IQCH: variants seen among roughly 807,000 people sequenced by gnomAD.
The protein encoded by IQCH is IQ domain-containing protein H.
IQCH carries 98 observed loss-of-function variants against 117.0 expected under a neutral mutation model. The ratio of observed to expected loss-of-function variants is 0.84; its 90% CI spans 0.71 to 0.99. IQCH has a LOEUF of 0.99. Ranked by LOEUF, IQCH falls within the 50% of genes least tolerant of loss-of-function variation. The pLI is 0.00. For missense variants in IQCH, 1,102 were observed against 1,243.8 expected (o/e 0.89, Z 1.72); for synonymous variants, 412 against 448.2 (o/e 0.92, Z 1.02).
chr15:67,351,803 A>G (rs937124689), intron 6 of IQCH, among the ~76,000 whole-genome samples: 1 of 151,962 alleles, frequency 6.6e-6, no homozygotes, highest in East Asian at 1.9e-4. Context: ...CCTTTTGGTT[A>G]TTGTTTGCCT....
intron 4 of IQCH, among the ~76,000 whole-genome samples, chr15:67,297,906 T>C (rs1289363894): frequency 6.6e-6 from 1 of 151,946 alleles, no homozygotes. Context: ...ACCCACAGAA[T>C]GGGAGAAAAT....
In IQCH at chr15:67,395,348, A is replaced by G; in HGVS notation, c.1690A>G (p.Ile564Val). Residue 564 changes from isoleucine to valine, a missense_variant, in exon 13 of 21, where the codon ATA becomes GTA. This residue lies in a region of IQCH where 650 missense variants were observed against 794.3 expected (regional missense o/e 0.82). Transcript: ENST00000335894. The surrounding 1 kb of genome is among the most constrained non-coding windows in gnomAD (Gnocchi z 4.0). ...GTACAGTCCCAAGGCAATCAAAAGA[A>G]TAAAAAATCTCATCCGAGGAACAGA... ...LMYSPKAIKR[I>V]KNLIRGTEAY... is the part of the protein sequence containing the mutation. 1 of 1,614,092 alleles carries G rather than the reference A, an allele frequency of 6.2e-7. No individual in the cohort carries two copies. The highest frequency in any genetic ancestry group is 8.5e-7 in the Non-Finnish European group (1 of 1,179,972).
intron 4 of IQCH, among the ~76,000 whole-genome samples, chr15:67,312,473 A>G (rs1967645795): frequency 6.6e-6 from 1 of 152,136 alleles, no homozygotes; most frequent in Non-Finnish European, 1.5e-5. Flanking sequence ...CAGAACAGAG[A>G]AATATCCTAA....
intron 4 of IQCH, among the ~76,000 whole-genome samples, chr15:67,313,555 G>A (rs548765226): frequency 6.6e-6 from 1 of 152,272 alleles, no homozygotes; most frequent in Non-Finnish European, 1.5e-5. Context: ...AAGGAGAGGT[G>A]TTGTGCATTT....
chr15:67,269,500 ATT>A (rs1477038164), intron 3 of IQCH, among the ~76,000 whole-genome samples: 2 of 152,180 alleles, frequency 1.3e-5, no homozygotes, highest in African/African-American at 4.8e-5. Flanking sequence ...AAACATGCAA[ATT>A]ATCTTCTAGC....
intron 4 of IQCH, among the ~76,000 whole-genome samples, chr15:67,290,052 G>T (rs763198648): frequency 1.3e-5 from 2 of 151,880 alleles, no homozygotes; most frequent in Non-Finnish European, 2.9e-5. Flanking sequence ...GTCTTCATTC[G>T]ACTGGTAATA....
At chr15:67,325,104 AT>A (rs1968345301) in intron 4 of IQCH, among the ~76,000 whole-genome samples, 1 of 151,280 alleles carries the variant, frequency 6.6e-6, no homozygotes, top group Non-Finnish European at 1.5e-5. Flanking sequence ...ATTATGTAAA[AT>A]TTTTTTTCTT....
At position 67,421,520 on chromosome 15, in the gene IQCH, T is replaced by C; in HGVS notation, c.2448T>C (p.Val816=). ...AAGCCTGCAGAATGAGAGATGTGGTTGGTTACTTTTCGATAGATCTGGTGA... is the reference window on the plus strand; with the variant it reads ...AAGCCTGCAGAATGAGAGATGTGGTCGGTTACTTTTCGATAGATCTGGTGA... ...IGKACRMRDV[V]GYFSIDLVTF... The change falls in exon 16 of 21, where the codon GTT becomes GTC. Residue 816 remains valine (V), a synonymous_variant. Coordinates refer to ENST00000335894, the MANE Select transcript of IQCH (RefSeq NM_001031715.3). The C allele has an allele frequency of 6.2e-7, 1 of 1,614,204 alleles. No homozygotes were observed. The highest frequency in any genetic ancestry group is 8.5e-7 in the Non-Finnish European group (1 of 1,180,022).
In IQCH at chr15:67,365,759, A is replaced by G. The variant is rs958361624; in HGVS notation, c.753+5874A>G. 3.9e-5 allele frequency among the ~76,000 whole-genome samples: 6 copies of G among 152,098 alleles called. No individual in the cohort carries two copies. Among genetic ancestry groups the G allele is most frequent in the Non-Finnish European group, 4.4e-5 (3 of 68,002 alleles). ...AGCCTGGACAACATGGTGAAACCCT[A>G]TCTCTACTAAAAATATAAAAGTTAG... is the stretch of plus-strand genomic sequence containing the variant. On this transcript the variant is annotated intron_variant, in intron 8 of 20. Coordinates refer to ENST00000335894, the MANE Select transcript of IQCH (RefSeq NM_001031715.3). This position sits in a 1 kb window ranked among gnomAD's most constrained non-coding sequence, Gnocchi z 4.4.
intron 2 of IQCH, among the ~76,000 whole-genome samples, chr15:67,261,961 C>T (rs571698524): frequency 5.9e-5 from 9 of 151,954 alleles, no homozygotes; most frequent in African/African-American, 1.5e-4. Flanking sequence ...TGGTGGCACA[C>T]GCCTGTAGTC....
At chr15:67,345,191 G>A (rs575565999) in intron 6 of IQCH, among the ~76,000 whole-genome samples, 65 of 152,092 alleles carry the variant, frequency 4.3e-4, no homozygotes, top group African/African-American at 1.4e-3. Context: ...AGGTTTCACC[G>A]TGTTGGCCAG....
intron 16 of IQCH, among the ~76,000 whole-genome samples, chr15:67,434,349 G>T (rs896350642): frequency 6.6e-6 from 1 of 151,978 alleles, no homozygotes; most frequent in Non-Finnish European, 1.5e-5. Context: ...TTCTGTGTCT[G>T]GCTTATTTCA....
At chr15:67,423,835 C>T (rs2081814096) in intron 16 of IQCH, among the ~76,000 whole-genome samples, 1 of 128,992 alleles carries the variant, frequency 7.8e-6, no homozygotes, top group South Asian at 2.6e-4. Flanking sequence ...GCCTGGGTGA[C>T]AGAGCCAGAT....
At chr15:67,261,765 A>G (rs567062577) in intron 2 of IQCH, among the ~76,000 whole-genome samples, 1 of 152,240 alleles carries the variant, frequency 6.6e-6, no homozygotes, top group South Asian at 2.1e-4. Flanking sequence ...TATATTGCAG[A>G]TTTTCTGGAA....
intron 4 of IQCH, among the ~76,000 whole-genome samples, chr15:67,290,904 C>A (rs1966727809): frequency 6.6e-6 from 1 of 151,036 alleles, no homozygotes; most frequent in Non-Finnish European, 1.5e-5. Context: ...TGCAGAGAGA[C>A]TTCTGGGTTT....
At position 67,500,675 on chromosome 15, in the gene IQCH, G is replaced by A; in HGVS notation, c.3013G>A (p.Glu1005Lys). The A allele has an allele frequency of 6.2e-7, 1 of 1,604,226 alleles. No individual in the cohort carries two copies. Among genetic ancestry groups the A allele is most frequent in the Non-Finnish European group, 8.5e-7 (1 of 1,172,876 alleles). The change falls in exon 21 of 21, where the codon GAA (glutamate) becomes AAA (lysine). Residue 1005 changes from glutamate to lysine, a missense_variant. By Grantham distance (56) the Glu-to-Lys change is moderately conservative (BLOSUM62 1). Coordinates refer to ENST00000335894, the MANE Select transcript of IQCH (RefSeq NM_001031715.3). This position sits in a 1 kb window ranked among gnomAD's most constrained non-coding sequence, Gnocchi z 4.4. ...DIETILRVTK[E>K]NKMRFEEEQQ... Reference sequence around the variant, plus strand: ...TGAAACTATTCTAAGAGTAACAAAGGAAAACAAAATGAGATTTGAAGAGGA... The same window carrying A: ...TGAAACTATTCTAAGAGTAACAAAGAAAAACAAAATGAGATTTGAAGAGGA...
chr15:67,361,762 C>T (rs892118327), intron 8 of IQCH, among the ~76,000 whole-genome samples: 1 of 152,146 alleles, frequency 6.6e-6, no homozygotes, highest in Non-Finnish European at 1.5e-5. Flanking sequence ...GTCAGTCAGG[C>T]TTTGCACAGG....
chr15:67,452,542 G>T (rs1180501493), intron 16 of IQCH, among the ~76,000 whole-genome samples: 12 of 152,230 alleles, frequency 7.9e-5, no homozygotes. Flanking sequence ...TAAGAATGTT[G>T]AATATTGGTC....
chr15:67,471,193 T>C (rs991856822), intron 17 of IQCH, among the ~76,000 whole-genome samples: 6 of 152,176 alleles, frequency 3.9e-5, no homozygotes, highest in Non-Finnish European at 5.9e-5. Context: ...TTTGGCACAT[T>C]TAAGGTATAT....
Sources: allele counts gnomAD v4.1 joint callset (sites outside exome capture counted in the v4.1 genomes callset), GRCh38; gene constraint gnomAD v4.1.1; regional missense constraint gnomAD v4.1.1; non-coding constraint Gnocchi (gnomAD v3.1); transcripts MANE v1.5; gene names NCBI Gene and HGNC (gene_info 2026-07-23, HGNC 2026-07-21).